ARV1: variants seen among roughly 807,000 people sequenced by gnomAD.
The protein encoded by ARV1 is protein ARV1.
In ARV1, 26 loss-of-function variants were observed where a neutral mutation model predicts 31.1. The ratio of observed to expected loss-of-function variants is 0.84; its 90% CI spans 0.61 to 1.16. The LOEUF is 1.16. Ranked by LOEUF, ARV1 falls within the 50% of genes most tolerant of loss-of-function variation. The probability of loss-of-function intolerance (pLI) is 0.00; values close to 1 mark genes in which losing one functional copy is unlikely to be tolerated. For missense variants in ARV1, 281 were observed against 324.9 expected (o/e 0.86, Z 1.04); for synonymous variants, 117 against 123.2 (o/e 0.95, Z 0.34).
chr1:230,996,039 A>T, intron 4 of ARV1, 55 bp downstream of exon 4: 2 of 1,494,796 alleles, frequency 1.3e-6, no homozygotes, highest in East Asian at 4.5e-5. Context: ...AAAAGCTTAA[A>T]GCCTTGTTTC....
intron 1 of ARV1, 110 bp downstream of exon 1, chr1:230,979,389 C>A: frequency 1.6e-6 from 2 of 1,246,536 alleles, no homozygotes; most frequent in Non-Finnish European, 2.3e-6. Context: ...AGTTGACATT[C>A]CCGCCCGGGA....
intron 2 of ARV1, among the ~76,000 whole-genome samples, chr1:230,989,715 A>G (rs1418228844): frequency 6.6e-6 from 1 of 152,212 alleles, no homozygotes; most frequent in Non-Finnish European, 1.5e-5. Flanking sequence ...CATGAATCAC[A>G]TAAGTTTTTT....
chr1:230,998,757 AAAC>A (rs1379253205), intron 5 of ARV1, among the ~76,000 whole-genome samples: 1 of 151,898 alleles, frequency 6.6e-6, no homozygotes, highest in Non-Finnish European at 1.5e-5. Flanking sequence ...AAAAAAAAAA[AAAC>A]AATAGCTGGG....
intron 4 of ARV1, 65 bp from the exon 5 acceptor site, chr1:230,997,056 C>T (rs942299344): frequency 4.0e-5 from 62 of 1,564,536 alleles, no homozygotes; most frequent in Non-Finnish European, 4.9e-5. Context: ...TCATACTACC[C>T]GAAAATTTAC....
chr1:230,993,410 T>C (rs1294435687), intron 3 of ARV1, among the ~76,000 whole-genome samples: 1 of 152,200 alleles, frequency 6.6e-6, no homozygotes, highest in Non-Finnish European at 1.5e-5. Flanking sequence ...TTAAAATTTC[T>C]AAAGATAAAC....
intron 4 of ARV1, 81 bp from the exon 5 acceptor site, chr1:230,997,040 A>G: frequency 6.6e-7 from 1 of 1,515,450 alleles, no homozygotes; most frequent in Non-Finnish European, 9.0e-7. Flanking sequence ...AGCTTTACAA[A>G]ACAATTCATA....
chr1:230,993,370 G>A (rs748854111), intron 3 of ARV1, among the ~76,000 whole-genome samples: 5 of 152,188 alleles, frequency 3.3e-5, no homozygotes, highest in Admixed American at 2.0e-4. Flanking sequence ...TGCTGAGACT[G>A]CAGGCATCAG....
intron 4 of ARV1, among the ~76,000 whole-genome samples, chr1:230,996,375 A>AT (rs2103056538): frequency 6.6e-6 from 1 of 152,322 alleles, no homozygotes; most frequent in African/African-American, 2.4e-5. Flanking sequence ...AATTTCTACT[A>AT]TATCAGGAAG....
chr1:230,990,409 A>C, intron 3 of ARV1, 146 bp downstream of exon 3: 4 of 1,037,534 alleles, frequency 3.9e-6, no homozygotes, highest in Non-Finnish European at 5.6e-6. Flanking sequence ...TACCACTACT[A>C]ACCTACGAGG....
At position 230,993,301 on chromosome 1, in the gene ARV1, G is replaced by T. The variant is rs1289946647; in HGVS notation, c.449-2459G>T. 5.3e-5 allele frequency among the ~76,000 whole-genome samples: 8 copies of T among 152,176 alleles called. 1 individual carries two copies. The East Asian group carries it at 1.5e-3, about 29-fold the overall frequency. ...TGTAAAGGCAGTATCTTACTCTGTTGTCCAGGTTGGTCTTGAACTCCTGGG... is the reference window on the plus strand; with the variant it reads ...TGTAAAGGCAGTATCTTACTCTGTTTTCCAGGTTGGTCTTGAACTCCTGGG... On this transcript the variant is annotated intron_variant, in intron 3 of 5. Coordinates refer to ENST00000310256, the MANE Select transcript of ARV1 (RefSeq NM_022786.3).
Position 230,988,383 on chromosome 1 carries a change from G to T in ARV1, c.238G>T (p.Ala80Ser). 1 of 1,595,280 alleles carries T rather than the reference G, an allele frequency of 6.3e-7. No homozygotes were observed. The highest frequency in any genetic ancestry group is 8.6e-7 in the Non-Finnish European group (1 of 1,165,142). The change falls in exon 2 of 6, where the codon GCT (alanine) becomes TCT (serine). Residue 80 changes from alanine to serine, a missense_variant. By Grantham distance (99) the Ala-to-Ser change is moderately conservative. Transcript: ENST00000310256. ...TGATCCTGTTATCATCTTGATTAATGCTATATTGTGCAAAGCTCAGGCCTA... is the reference window on the plus strand; with the variant it reads ...TGATCCTGTTATCATCTTGATTAATTCTATATTGTGCAAAGCTCAGGCCTA... Reference protein sequence around the residue: ...EYDPVIILINAILCKAQAYRH... With the variant: ...EYDPVIILINSILCKAQAYRH...
At chr1:230,985,207 A>G (rs1420706772) in intron 1 of ARV1, among the ~76,000 whole-genome samples, 1 of 152,062 alleles carries the variant, frequency 6.6e-6, no homozygotes, top group Non-Finnish European at 1.5e-5. Context: ...TTTATAAAAC[A>G]TGCCGAATGC....
intron 3 of ARV1, among the ~76,000 whole-genome samples, chr1:230,993,590 T>A (rs1004205475): frequency 6.6e-6 from 1 of 152,202 alleles, no homozygotes; most frequent in Non-Finnish European, 1.5e-5. Context: ...CTAATTAGAC[T>A]GTATAGTCCA....
rs1279644771 is a variant in ARV1, at chr1:230,997,110, C to T, written c.674-11C>T. 5.0e-6 allele frequency: 8 copies of T among 1,612,408 alleles called. No homozygotes were observed. The highest frequency in any genetic ancestry group is 6.8e-6 in the Non-Finnish European group (8 of 1,179,524). ...TAATTCTGAACTTATTGGCTGCCTT[C>T]TCCTTTCCAGTGACCCTAAACATCA... On this transcript the variant is annotated splice_polypyrimidine_tract_variant and intron_variant, in intron 4 of 5. Transcript: ENST00000310256.
rs143532693 is a variant in ARV1, at chr1:230,979,169, A to T, written c.64A>T (p.Thr22Ser). The change falls in exon 1 of 6, where the codon ACT (threonine) becomes TCT (serine). Residue 22 changes from threonine to serine, a missense_variant. Thr to Ser is a moderately conservative substitution (Grantham distance 58, BLOSUM62 1). Coordinates refer to ENST00000310256, the MANE Select transcript of ARV1 (RefSeq NM_022786.3). The stretch of plus-strand genomic sequence containing the variant: ...GGGGAACGTGGATGGGGTGGCAGCG[A>T]CTCCTACTGCTGCCTCGGCCTCCTG... ...GKGNVDGVAATPTAASASCQY... is the reference protein window; with the variant it reads ...GKGNVDGVAASPTAASASCQY... The T allele has an allele frequency of 2.7e-3, 4,409 of 1,611,858 alleles. 8 individuals are homozygous for T. Among genetic ancestry groups the T allele is most frequent in the South Asian group, 3.2e-3 (295 of 90,896 alleles).
chr1:230,986,087 T>C (rs1181597417), intron 1 of ARV1, among the ~76,000 whole-genome samples: 1 of 132,810 alleles, frequency 7.5e-6, no homozygotes, highest in Non-Finnish European at 1.7e-5. Flanking sequence ...CTCCTAATCT[T>C]TTTGTATTTT....
intron 1 of ARV1, among the ~76,000 whole-genome samples, chr1:230,982,591 T>C (rs1316409742): frequency 6.6e-6 from 1 of 152,248 alleles, no homozygotes; most frequent in Non-Finnish European, 1.5e-5. Flanking sequence ...ATTTGGAATA[T>C]TGAATGGTGG....
At chr1:230,992,881 C>T (rs1415530778) in intron 3 of ARV1, among the ~76,000 whole-genome samples, 1 of 152,112 alleles carries the variant, frequency 6.6e-6, no homozygotes, top group Non-Finnish European at 1.5e-5. Context: ...ACAGCTTAAC[C>T]GCCATGATGT....
intron 3 of ARV1, among the ~76,000 whole-genome samples, chr1:230,995,321 G>A (rs1225638922): frequency 6.6e-6 from 1 of 152,154 alleles, no homozygotes; most frequent in African/African-American, 2.4e-5. Flanking sequence ...CTTAAATAGT[G>A]GAAGAATGCA....
Sources: allele counts gnomAD v4.1 joint callset (sites outside exome capture counted in the v4.1 genomes callset), GRCh38; gene constraint gnomAD v4.1.1; transcripts MANE v1.5; gene names NCBI Gene and HGNC (gene_info 2026-07-23, HGNC 2026-07-21).